SYNE1: variants seen among roughly 807,000 people sequenced by gnomAD.
The protein encoded by SYNE1 is nesprin-1.
Under a neutral mutation model 1,111.0 loss-of-function variants are expected in SYNE1, and 616 were observed. That is an observed-to-expected ratio of 0.55 (90% CI 0.52 to 0.59). The LOEUF is 0.59. Among genes scored for constraint, SYNE1 ranks in the 20% least tolerant of loss-of-function variants. SYNE1 has a pLI of 0.00. For synonymous variants in SYNE1, 3,855 were observed against 3,825.8 expected (o/e 1.01, Z -0.28); for missense variants, 10,006 against 10,417.0 (o/e 0.96, Z 1.72).
intron 131 of SYNE1, among the ~76,000 whole-genome samples, chr6:152,160,034 G>C (rs909202624): frequency 6.6e-5 from 10 of 151,768 alleles, no homozygotes; most frequent in African/African-American, 2.4e-4. Flanking sequence ...TTTAGACAGA[G>C]TCTCAGTCTG....
At chr6:152,145,393 C>A (rs933683982) in intron 137 of SYNE1, 12 of 1,235,798 alleles carry the variant, frequency 9.7e-6, no homozygotes, top group African/African-American at 1.5e-5. Flanking sequence ...CATGCTAGAG[C>A]CACAAAGCTG....
At chr6:152,384,344 G>C (rs1173741199) in intron 55 of SYNE1, among the ~76,000 whole-genome samples, 1 of 152,098 alleles carries the variant, frequency 6.6e-6, no homozygotes, top group African/African-American at 2.4e-5. Flanking sequence ...TTCCTCACTA[G>C]ACTGCAAGTT....
chr6:152,396,076 C>A (rs1475199692), intron 50 of SYNE1, among the ~76,000 whole-genome samples: 1 of 152,148 alleles, frequency 6.6e-6, no homozygotes, highest in African/African-American at 2.4e-5. Flanking sequence ...TGTCAATGTG[C>A]ACTTTAATTT....
At chr6:152,234,030 C>A in intron 111 of SYNE1, 67 bp from the exon 112 acceptor site, 1 of 1,500,292 alleles carries the variant, frequency 6.7e-7, no homozygotes. Flanking sequence ...GGAAAGCGAC[C>A]AATTTAGTGC....
chr6:152,630,012 G>C (rs1355493757), intron 2 of SYNE1, among the ~76,000 whole-genome samples: 1 of 152,004 alleles, frequency 6.6e-6, no homozygotes, highest in Admixed American at 6.6e-5. Flanking sequence ...TTAAATAATA[G>C]AGTGCAATTA....
chr6:152,454,560 G>A (rs767994702), intron 24 of SYNE1, among the ~76,000 whole-genome samples: 4 of 152,142 alleles, frequency 2.6e-5, no homozygotes, highest in East Asian at 3.9e-4. Flanking sequence ...TTAGCCACCC[G>A]TCTATGGCAT....
intron 100 of SYNE1, among the ~76,000 whole-genome samples, chr6:152,266,506 C>G (rs1046374231): frequency 6.6e-6 from 1 of 152,198 alleles, no homozygotes; most frequent in East Asian, 1.9e-4. Context: ...GACACATATT[C>G]ATGGTCTAAT....
At position 152,149,622 on chromosome 6, in the gene SYNE1, A is replaced by G. The variant is rs201904925; in HGVS notation, c.24497T>C (p.Ile8166Thr). The G allele has an allele frequency of 5.0e-6, 8 of 1,614,162 alleles. No homozygotes were observed. Among genetic ancestry groups the G allele is most frequent in the Non-Finnish European group, 6.8e-6 (8 of 1,180,022 alleles). ...ISLNHNKIEQ[I>T]IAQGEQLIEK... ...TATCAGCTGTTCTCCTTGGGCAATT[A>G]TCTGCTCAATCTTATTGTGGTTCAG... Residue 8166 changes from isoleucine to threonine, a missense_variant, in exon 136 of 146, where the codon ATA becomes ACA. Transcript: ENST00000367255.
At position 152,239,558 on chromosome 6, in the gene SYNE1, C is replaced by T; in HGVS notation, c.20042G>A (p.Gly6681Asp). Residue 6681 changes from glycine (G) to aspartate (D), a missense_variant, in exon 108 of 146, where the codon GGT becomes GAT. By Grantham distance (94) the Gly-to-Asp change is moderately conservative. This residue lies in a region of SYNE1 where 2,182 missense variants were observed against 2,287.8 expected (regional missense o/e 0.95). Coordinates refer to ENST00000367255, the MANE Select transcript of SYNE1 (RefSeq NM_182961.4). ...CTCTAGAATGTACTCCAGCTCCACACCCCTCTTGTGAGCCCGTTTCAGTAC... is the reference window on the plus strand; with the variant it reads ...CTCTAGAATGTACTCCAGCTCCACATCCCTCTTGTGAGCCCGTTTCAGTAC... ...SAVLKRAHKR[G>D]VELEYILETW... 1.9e-6 allele frequency: 3 copies of T among 1,614,194 alleles called. No homozygotes were observed. Among genetic ancestry groups the T allele is most frequent in the Non-Finnish European group, 2.5e-6 (3 of 1,180,036 alleles).
chr6:152,362,079 C>T, intron 64 of SYNE1, 91 bp downstream of exon 64: 3 of 1,573,142 alleles, frequency 1.9e-6, no homozygotes, highest in South Asian at 2.2e-5. Flanking sequence ...TGTGCACTGC[C>T]CTAGGGTACA....
At chr6:152,189,687 A>G (rs1181702529) in intron 127 of SYNE1, among the ~76,000 whole-genome samples, 3 of 152,214 alleles carry the variant, frequency 2.0e-5, no homozygotes, top group Admixed American at 6.5e-5. Flanking sequence ...GTGCAATAGC[A>G]TATGTCTAAA....
In SYNE1 at chr6:152,578,376, C is replaced by T. The variant is rs115590465; in HGVS notation, c.68-38355G>A. Among the ~76,000 whole-genome samples, 856 of 152,278 alleles carry T rather than the reference C, an allele frequency of 5.6e-3. 8 individuals carry two copies. The highest frequency in any genetic ancestry group is 0.019 in the African/African-American group (774 of 41,542). ...TCGGGAAGCTGAGGTGGGCAGGTCA[C>T]TTGAGGTCAGAAATTCAAGACCAGC... is the stretch of plus-strand genomic sequence containing the variant. On this transcript the variant is annotated intron_variant, in intron 3 of 145. Coordinates refer to ENST00000367255, the MANE Select transcript of SYNE1 (RefSeq NM_182961.4).
chr6:152,572,938 A>C (rs2099471638), intron 3 of SYNE1, among the ~76,000 whole-genome samples: 1 of 152,154 alleles, frequency 6.6e-6, no homozygotes, highest in African/African-American at 2.4e-5. Flanking sequence ...TGGTCTAATA[A>C]ACATTTTAGG....
At chr6:152,419,173 G>T (rs1443767497) in intron 40 of SYNE1, among the ~76,000 whole-genome samples, 1 of 152,246 alleles carries the variant, frequency 6.6e-6, no homozygotes, top group African/African-American at 2.4e-5. Flanking sequence ...AGGGAAATAA[G>T]CTTTAAATCA....
At chr6:152,168,708 G>A (rs1215812688) in intron 130 of SYNE1, among the ~76,000 whole-genome samples, 1 of 152,170 alleles carries the variant, frequency 6.6e-6, no homozygotes, top group Non-Finnish European at 1.5e-5. Context: ...TGCCAGCTCG[G>A]TAGTGTATGC....
intron 9 of SYNE1, among the ~76,000 whole-genome samples, 163 bp from the exon 10 acceptor site, chr6:152,502,905 T>C (rs1333180495): frequency 6.6e-6 from 1 of 152,126 alleles, no homozygotes; most frequent in African/African-American, 2.4e-5. Context: ...CCAAATTTAG[T>C]CTGGATATTA....
intron 3 of SYNE1, among the ~76,000 whole-genome samples, chr6:152,573,355 T>C (rs1044484171): frequency 2.9e-5 from 3 of 103,076 alleles, no homozygotes; most frequent in Non-Finnish European, 5.4e-5. Flanking sequence ...CAACAGGCCC[T>C]GGTGTGTTAT....
intron 93 of SYNE1, among the ~76,000 whole-genome samples, chr6:152,295,810 C>CT (rs1392988188): frequency 6.6e-6 from 1 of 152,188 alleles, no homozygotes; most frequent in African/African-American, 2.4e-5. Flanking sequence ...CCATAAACTG[C>CT]TTTTTCAAGG....
chr6:152,226,656 G>C (rs1342944335), intron 115 of SYNE1, among the ~76,000 whole-genome samples: 2 of 152,182 alleles, frequency 1.3e-5, no homozygotes. Context: ...GAGAAGCTCA[G>C]TGAAGCAGAC....
Sources: allele counts gnomAD v4.1 joint callset (sites outside exome capture counted in the v4.1 genomes callset), GRCh38; gene constraint gnomAD v4.1.1; regional missense constraint gnomAD v4.1.1; transcripts MANE v1.5; gene names NCBI Gene and HGNC (gene_info 2026-07-23, HGNC 2026-07-21).